The following TBC1D30 variants were observed in gnomAD, a reference collection of about 807,000 sequenced individuals.
TBC1D30 encodes TBC1 domain family member 30, also known as TBC1 domain family, member 30.
In TBC1D30, 31 loss-of-function variants were observed where a neutral mutation model predicts 63.2. The ratio of observed to expected loss-of-function variants is 0.49; its 90% CI spans 0.37 to 0.66. TBC1D30 has a LOEUF of 0.66. TBC1D30 is among the 30% of genes least tolerant of loss of function. The pLI is 0.00. For missense variants in TBC1D30, 810 were observed against 953.6 expected, an observed-to-expected ratio of 0.85 and a Z score of 1.98; for synonymous variants, 307 against 361.5, an observed-to-expected ratio of 0.85 and a Z score of 1.71.
intron 8 of TBC1D30, among the ~76,000 whole-genome samples, chr12:64,855,394 T>C (rs1372254399): frequency 1.3e-5 from 2 of 152,184 alleles, no homozygotes; most frequent in East Asian, 3.8e-4. Context: ...TTCTTTGATA[T>C]TATCTCTTTG....
rs1189307829 is a variant in TBC1D30 at position 64,830,408 on chromosome 12, A to G, written c.314A>G (p.His105Arg). The G allele has an allele frequency of 6.5e-7, 1 of 1,533,830 alleles. No individual in the cohort carries two copies. Among genetic ancestry groups the G allele is most frequent in the Admixed American group, 2.0e-5 (1 of 50,980 alleles). ...TTGACCTTGGCAGATCATTATTTGC[A>G]CAGTATAGCCATTGACTGGGACAAA... ...VWLTLADHYL[H>R]SIAIDWDKTM... Residue 105 changes from histidine (H) to arginine (R), a missense_variant, in exon 4 of 12, where the codon CAC (histidine) becomes CGC (arginine). By Grantham distance (29) the His-to-Arg change is conservative. Coordinates refer to ENST00000539867, the MANE Select transcript of TBC1D30 (RefSeq NM_015279.2).
rs1592671102 is a variant in TBC1D30, at chr12:64,875,794, C to A, written c.*6C>A. On this transcript the variant is annotated 3_prime_UTR_variant, in exon 12 of 12. Transcript: ENST00000539867. Reference sequence around the variant, plus strand: ...GTGGCACTAAAAAACGATGATGTCTCCCCGAAACTTTGTATCTGGACTCAC... The same window carrying A: ...GTGGCACTAAAAAACGATGATGTCTACCCGAAACTTTGTATCTGGACTCAC... 3 of 1,523,798 alleles carry A rather than the reference C, an allele frequency of 2.0e-6. No individual in the cohort carries two copies. The highest frequency in any genetic ancestry group is 2.5e-5 in the East Asian group (1 of 40,766). The allele number at this position is 1,523,798 out of a possible 1,614,324, so 94.4% of individuals were successfully genotyped here.
intron 2 of TBC1D30, among the ~76,000 whole-genome samples, chr12:64,801,613 T>C (rs1426135637): frequency 1.3e-5 from 2 of 152,192 alleles, no homozygotes; most frequent in African/African-American, 4.8e-5. Context: ...CACAGGGCAC[T>C]AGTGTATGTG....
At chr12:64,801,428 A>G (rs182287278) in intron 2 of TBC1D30, among the ~76,000 whole-genome samples, 73 of 152,340 alleles carry the variant, frequency 4.8e-4, no homozygotes, top group Admixed American at 5.2e-4. Context: ...CATATTTATA[A>G]TCATCACTTT....
At chr12:64,810,615 A>AAAACC (rs1873157274) in intron 2 of TBC1D30, among the ~76,000 whole-genome samples, 1 of 152,098 alleles carries the variant, frequency 6.6e-6, no homozygotes. Flanking sequence ...AAAACAAAAC[A>AAAACC]AAACCAAAAA....
Position 64,836,632 on chromosome 12 carries a change from A to G in TBC1D30, c.737A>G (p.Gln246Arg). Residue 246 changes from glutamine to arginine, a missense_variant, in exon 6 of 12, where the codon CAG becomes CGG. Gln to Arg is a conservative substitution (Grantham distance 43). This residue lies in a region of TBC1D30 where 272 missense variants were observed against 335.9 expected (regional missense o/e 0.81). Transcript: ENST00000539867. The part of the protein sequence containing the change: ...PELSQHLDTL[Q>R]RTANKESGGG... ...TTATCTCAGCACCTGGATACTCTTC[A>G]GAGAACTGCAAACAAAGAAAGTGGA... 6.5e-7 allele frequency: 1 copy of G among 1,535,574 alleles called. No individual in the cohort carries two copies. The highest frequency in any genetic ancestry group is 8.7e-7 in the Non-Finnish European group (1 of 1,146,530).
At chr12:64,866,410 A>C (rs1229227402) in intron 9 of TBC1D30, among the ~76,000 whole-genome samples, 1 of 152,068 alleles carries the variant, frequency 6.6e-6, no homozygotes, top group East Asian at 1.9e-4. Context: ...GATGGGAGGG[A>C]AACTTTATAA....
intron 1 of TBC1D30, among the ~76,000 whole-genome samples, chr12:64,783,022 T>C (rs1423060782): frequency 2.0e-5 from 3 of 152,172 alleles, no homozygotes; most frequent in Non-Finnish European, 4.4e-5. Flanking sequence ...GCTTATCAGG[T>C]TATTTGATCT....
At chr12:64,874,722 G>A (rs542568753) in intron 11 of TBC1D30, among the ~76,000 whole-genome samples, 1 of 152,218 alleles carries the variant, frequency 6.6e-6, no homozygotes, top group South Asian at 2.1e-4. Flanking sequence ...AAAAAATTAG[G>A]GAGTCCAGGC....
At chr12:64,836,774 G>A (rs1875401386) in intron 6 of TBC1D30, 116 bp downstream of exon 6, 1 of 1,061,664 alleles carries the variant, frequency 9.4e-7, no homozygotes, top group Middle Eastern at 3.3e-4. Context: ...GTAAGAGCTT[G>A]GTGTAATGAA....
upstream of TBC1D30, among the ~76,000 whole-genome samples, chr12:64,822,671 G>A (rs113955259): frequency 3.3e-5 from 4 of 121,948 alleles, no homozygotes; most frequent in South Asian, 1.1e-3. Context: ...GCTAATTTTT[G>A]TAGCTTTTTT....
chr12:64,862,953 G>C (rs1439289699), intron 8 of TBC1D30, among the ~76,000 whole-genome samples: 1 of 152,172 alleles, frequency 6.6e-6, no homozygotes, highest in Non-Finnish European at 1.5e-5. Context: ...CTGCTGAGGA[G>C]AGGATTTCAC....
intron 1 of TBC1D30, among the ~76,000 whole-genome samples, chr12:64,764,296 T>A (rs971873752): frequency 6.6e-6 from 1 of 152,214 alleles, no homozygotes; most frequent in Non-Finnish European, 1.5e-5. Context: ...GTGTTTTCAT[T>A]TTGACATGTT....
intron 8 of TBC1D30, among the ~76,000 whole-genome samples, chr12:64,847,384 A>G (rs1054899381): frequency 1.3e-5 from 2 of 150,018 alleles, no homozygotes; most frequent in Non-Finnish European, 3.0e-5. Context: ...AATTTCATTT[A>G]TTTCTGCTCT....
exon 1 of TBC1D30, chr12:64,781,032 C>T (rs1041133656): frequency 1.9e-6 from 2 of 1,027,182 alleles, no homozygotes; most frequent in Non-Finnish European, 2.3e-6. Flanking sequence ...GGCGGCCGCA[C>T]AAGCCGCACG....
At chr12:64,804,014 A>G (rs1872725189) in intron 2 of TBC1D30, among the ~76,000 whole-genome samples, 1 of 152,200 alleles carries the variant, frequency 6.6e-6, no homozygotes, top group African/African-American at 2.4e-5. Flanking sequence ...ACTTCAAAGT[A>G]GTTTTTTTCC....
chr12:64,794,215 G>C (rs1448964451), intron 2 of TBC1D30, among the ~76,000 whole-genome samples: 1 of 151,938 alleles, frequency 6.6e-6, no homozygotes, highest in African/African-American at 2.4e-5. Flanking sequence ...TGGTGTTCCT[G>C]AAATACAACA....
Position 64,803,896 on chromosome 12 carries a change from C to A in TBC1D30, c.643+17851C>A, listed in dbSNP as rs533081300. On this transcript the variant is annotated intron_variant, in intron 2 of 12. Coordinates refer to the TBC1D30 transcript ENST00000542120. ...TACCAGTATCATGCTGTTTTGGTTA[C>A]TGTAGCTGTATAGTATAGTTTGAAG... Among the ~76,000 whole-genome samples, 3 of 152,282 alleles carry A rather than the reference C, an allele frequency of 2.0e-5. No homozygotes were observed. The East Asian group carries it at 5.8e-4, about 29-fold the overall frequency.
intron 1 of TBC1D30, among the ~76,000 whole-genome samples, chr12:64,781,973 G>A (rs1871319927): frequency 6.6e-6 from 1 of 151,756 alleles, no homozygotes; most frequent in Admixed American, 6.6e-5. Flanking sequence ...GGCATGGAGA[G>A]GTCGACCTGA....
Sources: allele counts gnomAD v4.1 joint callset (sites outside exome capture counted in the v4.1 genomes callset), GRCh38; gene constraint gnomAD v4.1.1; regional missense constraint gnomAD v4.1.1; transcripts MANE v1.5; gene names NCBI Gene and HGNC (gene_info 2026-07-23, HGNC 2026-07-21).